The following NFIA variants were observed in gnomAD, a reference collection of about 807,000 sequenced individuals.
The protein encoded by NFIA is nuclear factor 1 A-type.
NFIA carries 8 observed loss-of-function variants against 62.8 expected under a neutral mutation model. The ratio of observed to expected loss-of-function variants is 0.13; its 90% CI spans 0.07 to 0.23. The LOEUF (loss-of-function observed/expected upper bound fraction) is 0.23. NFIA is among the 10% of genes least tolerant of loss of function. NFIA has a pLI of 1.00. For synonymous variants in NFIA, 235 were observed against 238.1 expected, an observed-to-expected ratio of 0.99 and a Z score of 0.12; for missense variants, 410 against 642.1, an observed-to-expected ratio of 0.64 and a Z score of 3.91.
chr1:61,089,699 T>C (rs936699453), intron 2 of NFIA, among the ~76,000 whole-genome samples: 74 of 149,572 alleles, frequency 4.9e-4, no homozygotes, highest in Admixed American at 1.2e-3. Context: ...TTTTTTCTTT[T>C]TTTTTTTTTT....
intron 3 of NFIA, among the ~76,000 whole-genome samples, chr1:61,323,148 A>G (rs1033399239): frequency 1.3e-5 from 2 of 152,346 alleles, no homozygotes; most frequent in Non-Finnish European, 1.5e-5. Context: ...TTGGTCTAAG[A>G]GTACATTATT....
chr1:61,406,543 G>GGGGGGCCCCCCC lies in NFIA; in HGVS notation c.1255-19_1255-18insGGGGGCCCCCCC. On this transcript the variant is annotated intron_variant, in intron 8 of 10. Transcript: ENST00000403491. ...TCTTTTTCTTGTACGTGTGTTTTCT[G>GGGGGGCCCCCCC]CCCCCCCCCCCCCCACAGCCCAATG... 1 of 876,654 alleles carries GGGGGGCCCCCCC rather than the reference G, an allele frequency of 1.1e-6. No individual in the cohort carries two copies. Among genetic ancestry groups the GGGGGGCCCCCCC allele is most frequent in the Non-Finnish European group, 1.5e-6 (1 of 653,744 alleles). 54.3% of individuals were successfully genotyped at this position (876,654 alleles called of 1,614,324 possible).
At chr1:61,344,592 A>G (rs777775779) in intron 4 of NFIA, among the ~76,000 whole-genome samples, 1 of 152,248 alleles carries the variant, frequency 6.6e-6, no homozygotes, top group Non-Finnish European at 1.5e-5. Flanking sequence ...TGTAAGCCCC[A>G]CAAGGGCAGG....
chr1:61,206,686 A>G (rs375730470), intron 2 of NFIA, among the ~76,000 whole-genome samples: 19 of 152,236 alleles, frequency 1.2e-4, no homozygotes, highest in African/African-American at 4.3e-4. Flanking sequence ...TTAAAGATGC[A>G]AGGTGTAATC....
chr1:61,257,151 G>A lies in NFIA; in HGVS notation c.560-20369G>A, dbSNP rs183548455. Among the ~76,000 whole-genome samples, 20 of 151,986 alleles carry A rather than the reference G, an allele frequency of 1.3e-4. 1 individual carries two copies. Among genetic ancestry groups the A allele is most frequent in the African/African-American group, 1.7e-4 (7 of 41,442 alleles). On this transcript the variant is annotated intron_variant, in intron 2 of 10. Coordinates refer to ENST00000403491, the MANE Select transcript of NFIA (RefSeq NM_001134673.4). Reference sequence around the variant, plus strand: ...AGGAAAACCCAATATCCTTAGCTGCGTTTTACCTCAGGTACCCAGAGAATT... The same window carrying A: ...AGGAAAACCCAATATCCTTAGCTGCATTTTACCTCAGGTACCCAGAGAATT...
At chr1:61,198,031 G>T (rs543258054) in intron 2 of NFIA, among the ~76,000 whole-genome samples, 1 of 152,232 alleles carries the variant, frequency 6.6e-6, no homozygotes, top group Admixed American at 6.5e-5. Flanking sequence ...AGAACGAACA[G>T]ACATAGATAG....
At position 61,193,341 on chromosome 1, in the gene NFIA, A is replaced by G. The variant is rs1651772025; in HGVS notation, c.560-84179A>G. On this transcript the variant is annotated intron_variant, in intron 2 of 10. Transcript: ENST00000403491. The stretch of plus-strand genomic sequence containing the variant: ...TTGATCACTGAATACTACAAGAAGG[A>G]TCTTTTGTTTGCGTGTTTGTTTCAA... Among the ~76,000 whole-genome samples, 3 of 152,162 alleles carry G rather than the reference A, an allele frequency of 2.0e-5. No homozygotes were observed. The South Asian group carries it at 6.2e-4, about 32-fold the overall frequency.
intron 1 of NFIA, among the ~76,000 whole-genome samples, chr1:61,087,297 T>G (rs528016224): frequency 1.3e-5 from 2 of 152,224 alleles, no homozygotes; most frequent in South Asian, 2.1e-4. Context: ...AAATAATCTA[T>G]TTTTTAGGTA....
At chr1:61,236,175 G>A (rs1212055143) in intron 2 of NFIA, among the ~76,000 whole-genome samples, 2 of 151,774 alleles carry the variant, frequency 1.3e-5, no homozygotes, top group African/African-American at 4.8e-5. Context: ...AAAAAAAGGT[G>A]GAAAGAGAGG....
In NFIA at chr1:61,082,847, T is replaced by TGGGGGCCG. The variant is rs565024869; in HGVS notation, c.27+33_27+40dup. On this transcript the variant is annotated intron_variant, in intron 1 of 10. Transcript: ENST00000403491. The stretch of plus-strand genomic sequence containing the variant: ...AGCCGCGGCGTGGATGCGGAGGGCT[T>TGGGGGCCG]GGGGGCCGGGGCGCCGGGGGCAGGG... 5.3e-6 allele frequency: 7 copies of TGGGGGCCG among 1,330,208 alleles called. No homozygotes were observed. In the African/African-American group the frequency reaches 6.1e-5, roughly 12 times the overall value. The allele number at this position is 1,330,208 out of a possible 1,614,324, so 82.4% of individuals were successfully genotyped here. A position where few individuals can be genotyped will look rare whatever the true frequency, so the allele number is the denominator to read the frequency against.
At chr1:61,316,890 G>A (rs370502983) in intron 3 of NFIA, among the ~76,000 whole-genome samples, 13 of 152,068 alleles carry the variant, frequency 8.5e-5, no homozygotes, top group African/African-American at 3.1e-4. Context: ...TTGTATTGAC[G>A]GAAGGAGCTA....
chr1:61,232,288 C>T (rs1012248314), intron 2 of NFIA, among the ~76,000 whole-genome samples: 2 of 152,062 alleles, frequency 1.3e-5, no homozygotes, highest in South Asian at 4.2e-4. Flanking sequence ...TATGAATAAT[C>T]CAAGTTTACA....
intron 10 of NFIA, among the ~76,000 whole-genome samples, chr1:61,428,689 T>C (rs1245671036): frequency 6.6e-6 from 1 of 152,088 alleles, no homozygotes; most frequent in Non-Finnish European, 1.5e-5. Context: ...ATAAAAATAA[T>C]AATATACCTT....
intron 3 of NFIA, among the ~76,000 whole-genome samples, chr1:61,326,649 T>G (rs1275612761): frequency 6.6e-6 from 1 of 152,152 alleles, no homozygotes; most frequent in Non-Finnish European, 1.5e-5. Context: ...TACAATCACG[T>G]ACGGCAGGTC....
intron 2 of NFIA, among the ~76,000 whole-genome samples, chr1:61,096,247 C>A (rs1425388369): frequency 6.6e-6 from 1 of 151,970 alleles, no homozygotes; most frequent in East Asian, 1.9e-4. Context: ...GAGTTTAGCC[C>A]TTGTTTTCTA....
At chr1:61,440,207 A>C (rs1667513181) in intron 10 of NFIA, among the ~76,000 whole-genome samples, 1 of 152,214 alleles carries the variant, frequency 6.6e-6, no homozygotes, top group Non-Finnish European at 1.5e-5. Context: ...CATGGGGCAG[A>C]AGTTAATATT....
chr1:61,233,051 A>T (rs17305204), intron 2 of NFIA, among the ~76,000 whole-genome samples: 6,241 of 152,012 alleles, frequency 0.041, 182 homozygotes, highest in Non-Finnish European at 0.061. Flanking sequence ...TAGTGCCTTT[A>T]TATTGTCTCT....
Position 61,196,938 on chromosome 1 carries a change from TGTGC to T in NFIA, c.560-80580_560-80577del, listed in dbSNP as rs1171375997. ...GTGTGTGTGTGTGTGTGTGTGTGTG[TGTGC>T]GCGCGCGCGCTGTGTGTGTGTGATG... is the stretch of plus-strand genomic sequence containing the variant. On this transcript the variant is annotated intron_variant, in intron 2 of 10. Transcript: ENST00000403491. Among the ~76,000 whole-genome samples, 42 of 105,228 alleles carry T rather than the reference TGTGC, an allele frequency of 4.0e-4. No homozygotes were observed. In the East Asian group the frequency reaches 5.5e-3, roughly 14 times the overall value. 69.0% of individuals were successfully genotyped at this position (105,228 alleles called of 152,430 possible). A position where few individuals can be genotyped will look rare whatever the true frequency, so the allele number is the denominator to read the frequency against.
rs565721619 is a variant in NFIA at position 61,121,989 on chromosome 1, G to T, written c.559+33309G>T. 1.8e-4 allele frequency among the ~76,000 whole-genome samples: 27 copies of T among 152,230 alleles called. 1 individual carries two copies. Among genetic ancestry groups the T allele is most frequent in the African/African-American group, 6.0e-4 (25 of 41,538 alleles). On this transcript the variant is annotated intron_variant, in intron 2 of 10. Transcript: ENST00000403491. ...ATCCAAGCAAATACATACATAAAAA[G>T]ACACTCAAAGCATCATAGGATGTTA...
Sources: gnomAD v4.1 joint callset for allele counts (sites outside exome capture counted in the v4.1 genomes callset) on GRCh38, gnomAD v4.1.1 for gene constraint, MANE v1.5 for transcripts, NCBI Gene and HGNC (gene_info 2026-07-23, HGNC 2026-07-21) for gene names.